The following CAST variants were observed in gnomAD, a reference collection of about 807,000 sequenced individuals.
CAST encodes MIR583 host.
In CAST, 76 loss-of-function variants were observed where a neutral mutation model predicts 119.6. That is an observed-to-expected ratio of 0.64 (90% CI 0.53 to 0.77). The LOEUF (loss-of-function observed/expected upper bound fraction) is 0.77. Ranked by LOEUF, CAST falls within the 30% of genes least tolerant of loss-of-function variation. The pLI, the probability that CAST is intolerant of heterozygous loss-of-function variation, is 0.00. For synonymous variants in CAST, 319 were observed against 331.6 expected (o/e 0.96, Z 0.41); for missense variants, 953 against 946.5 (o/e 1.01, Z -0.09).
At chr5:96,038,008 A>G in the CAST span, among the ~76,000 whole-genome samples, 3 of 152,152 alleles carry the variant, frequency 2.0e-5, no homozygotes, top group African/African-American at 7.2e-5. Context: ...TAGAGTTTTT[A>G]TGAGAGCAGT....
chr5:96,675,534 TA>T lies in CAST; in HGVS notation c.76-4del. 6.2e-7 allele frequency: 1 copy of T among 1,609,138 alleles called. No homozygotes were observed. Reference sequence around the variant, plus strand: ...TATTAAGCATTATTTTTTACTTTTTTATAGCATGTCAGTGAAAAAACCAGTG... The same window carrying T: ...TATTAAGCATTATTTTTTACTTTTTTTAGCATGTCAGTGAAAAAACCAGTG... On this transcript the variant is annotated splice_region_variant and splice_polypyrimidine_tract_variant and intron_variant, in intron 1 of 31. Transcript: ENST00000675179.
intron 1 of CAST, among the ~76,000 whole-genome samples, chr5:96,587,896 T>C (rs1165340003): frequency 6.6e-6 from 1 of 152,176 alleles, no homozygotes; most frequent in African/African-American, 2.4e-5. Context: ...TTAACTGTGG[T>C]CTTTCTTAAA....
At chr5:96,312,276 G>A in the CAST span, among the ~76,000 whole-genome samples, 5 of 152,036 alleles carry the variant, frequency 3.3e-5, no homozygotes, top group East Asian at 3.8e-4. Flanking sequence ...TTCTCTACAG[G>A]CTCTCCTTTT....
At chr5:96,299,367 G>A in the CAST span, among the ~76,000 whole-genome samples, 1 of 151,956 alleles carries the variant, frequency 6.6e-6, no homozygotes, top group Admixed American at 6.6e-5. Context: ...AAAAAAGAAG[G>A]CAATAGAAAA....
At chr5:96,611,736 A>T (rs1747367708) in intron 1 of CAST, among the ~76,000 whole-genome samples, 1 of 150,754 alleles carries the variant, frequency 6.6e-6, no homozygotes, top group African/African-American at 2.5e-5. Flanking sequence ...CAGAATCTAT[A>T]CTTAACTTAA....
chr5:96,667,335 C>CA lies in CAST; in HGVS notation c.75+4845dup, dbSNP rs1339428330. Among the ~76,000 whole-genome samples, 8 of 152,218 alleles carry CA rather than the reference C, an allele frequency of 5.3e-5. No individual in the cohort carries two copies. In the East Asian group the frequency reaches 1.5e-3, roughly 29 times the overall value. On this transcript the variant is annotated intron_variant, in intron 1 of 31. Transcript: ENST00000675179. ...AGTTTTGTGCAGAGTGCGGTGGACA[C>CA]AAAAAAATCGTGCAGTGGTCTGTGC...
At chr5:96,183,447 A>T in the CAST span, among the ~76,000 whole-genome samples, 1 of 152,098 alleles carries the variant, frequency 6.6e-6, no homozygotes, top group Non-Finnish European at 1.5e-5. Flanking sequence ...TATTTTGTCC[A>T]AGTAGAAAAG....
At chr5:96,695,677 A>G in intron 2 of CAST, 159 bp from the exon 3 acceptor site, 1 of 474,786 alleles carries the variant, frequency 2.1e-6, no homozygotes, top group East Asian at 3.6e-5. Flanking sequence ...TCTTCAGGCA[A>G]AGTAACGAAA....
chr5:96,482,547 C>T, the CAST span, among the ~76,000 whole-genome samples: 6 of 151,814 alleles, frequency 4.0e-5, no homozygotes, highest in African/African-American at 1.2e-4. Flanking sequence ...GGAGTCTTAC[C>T]TGTTCTCATA....
intron 1 of CAST, among the ~76,000 whole-genome samples, chr5:96,671,937 T>C (rs1056855613): frequency 6.6e-5 from 10 of 152,194 alleles, no homozygotes; most frequent in African/African-American, 2.2e-4. Context: ...TCTCTCTCAG[T>C]GAAAAGATAC....
the CAST span, among the ~76,000 whole-genome samples, chr5:96,469,453 AT>A: frequency 1.3e-5 from 2 of 151,820 alleles, no homozygotes; most frequent in Non-Finnish European, 2.9e-5. Context: ...TGCCAACGTG[AT>A]TTTTTTTCCT....
chr5:96,698,758 A>G (rs1753579973), intron 3 of CAST, among the ~76,000 whole-genome samples: 1 of 152,202 alleles, frequency 6.6e-6, no homozygotes, highest in Admixed American at 6.5e-5. Context: ...AAAAGGCGTG[A>G]CAGAGTGGTA....
At chr5:96,220,838 G>A in the CAST span, among the ~76,000 whole-genome samples, 1 of 152,100 alleles carries the variant, frequency 6.6e-6, no homozygotes, top group Admixed American at 6.6e-5. Context: ...TGAAACAAAA[G>A]TACCAAGATT....
the CAST span, among the ~76,000 whole-genome samples, chr5:96,021,713 T>G: frequency 1.2e-3 from 187 of 152,308 alleles, 8 homozygotes; most frequent in South Asian, 0.039. Context: ...CCCAAAGTGT[T>G]GGGATTACAG....
the CAST span, among the ~76,000 whole-genome samples, chr5:96,227,375 A>T: frequency 2.0e-5 from 3 of 152,232 alleles, no homozygotes; most frequent in African/African-American, 7.2e-5. Flanking sequence ...AATTTAGTAC[A>T]GCATAAACTC....
At chr5:96,744,869 CATAAA>C (rs1050394898) in intron 16 of CAST, among the ~76,000 whole-genome samples, 5 of 152,200 alleles carry the variant, frequency 3.3e-5, no homozygotes, top group Admixed American at 3.3e-4. Flanking sequence ...TCTACCATAA[CATAAA>C]ATAAAAGTTT....
the CAST span, among the ~76,000 whole-genome samples, chr5:96,339,952 T>C: frequency 6.6e-6 from 1 of 152,152 alleles, no homozygotes; most frequent in Non-Finnish European, 1.5e-5. Context: ...TGCCTTGAGC[T>C]CTGTGGGTTA....
chr5:96,049,689 T>C, the CAST span, among the ~76,000 whole-genome samples: 5 of 151,894 alleles, frequency 3.3e-5, no homozygotes, highest in Admixed American at 3.3e-4. Context: ...GAGCTCAGTG[T>C]AGAACTTGTT....
upstream of CAST, chr5:96,662,341 C>CCCCT: frequency 1.2e-6 from 1 of 865,852 alleles, no homozygotes; most frequent in South Asian, 2.2e-5. Context: ...CCCTCCCTCT[C>CCCCT]TCCCTGGCAG....
Sources: allele counts gnomAD v4.1 joint callset (sites outside exome capture counted in the v4.1 genomes callset), GRCh38; gene constraint gnomAD v4.1.1; transcripts MANE v1.5; gene names NCBI Gene and HGNC (gene_info 2026-07-23, HGNC 2026-07-21).